Variants in ROBO2 observed in about 807,000 individuals in gnomAD.
ROBO2 encodes the protein roundabout homolog 2.
In ROBO2, 53 loss-of-function variants were observed where a neutral mutation model predicts 160.8. That is an observed-to-expected ratio of 0.33 (90% CI 0.26 to 0.41). The LOEUF (loss-of-function observed/expected upper bound fraction) is 0.41. ROBO2 is among the 10% of genes least tolerant of loss of function. The probability of loss-of-function intolerance (pLI) is 1.00; values close to 1 mark genes in which losing one functional copy is unlikely to be tolerated. For synonymous variants in ROBO2, 664 were observed against 611.7 expected (o/e 1.09, Z -1.26); for missense variants, 1,577 against 1,722.4 (o/e 0.92, Z 1.49).
At chr3:76,661,295 A>G (rs1035946790) in intron 2 of ROBO2, among the ~76,000 whole-genome samples, 11 of 152,300 alleles carry the variant, frequency 7.2e-5, no homozygotes, top group African/African-American at 2.6e-4. Flanking sequence ...AAAGTAGGAA[A>G]ATACAAGAAT....
At chr3:76,254,668 A>C (rs1230761776) in intron 2 of ROBO2, among the ~76,000 whole-genome samples, 2 of 151,966 alleles carry the variant, frequency 1.3e-5, no homozygotes. Context: ...ATTTAGTGAT[A>C]CCTTTACTGT....
intron 5 of ROBO2, among the ~76,000 whole-genome samples, chr3:77,510,308 T>C (rs966507120): frequency 2.6e-5 from 4 of 152,100 alleles, no homozygotes; most frequent in African/African-American, 4.8e-5. Context: ...AAGCAACTTA[T>C]GGACCACGAC....
intron 2 of ROBO2, among the ~76,000 whole-genome samples, chr3:76,484,774 C>T (rs896087342): frequency 6.6e-6 from 1 of 152,044 alleles, no homozygotes. Flanking sequence ...CCTATATCTA[C>T]AGGCCAGCAA....
rs559225108 is a variant in ROBO2, at chr3:76,433,138, C to T, written c.109+495536C>T. Among the ~76,000 whole-genome samples, 3 of 152,272 alleles carry T rather than the reference C, an allele frequency of 2.0e-5. No homozygotes were observed. The South Asian group carries it at 6.2e-4, about 32-fold the overall frequency. On this transcript the variant is annotated intron_variant, in intron 2 of 26. Transcript: ENST00000487694. ...TATATCTGCAGTTAATTGGTCAGAA[C>T]ATTTTCTTATTAGTGGGACTACATT... is the stretch of plus-strand genomic sequence containing the variant.
At chr3:77,625,110 G>A (rs1006963075) in intron 23 of ROBO2, among the ~76,000 whole-genome samples, 1 of 152,074 alleles carries the variant, frequency 6.6e-6, no homozygotes, top group Non-Finnish European at 1.5e-5. Context: ...ACTAATTTGT[G>A]AGGGATCTCT....
rs553418516 is a variant in ROBO2 at position 76,077,885 on chromosome 3, C to G, written c.109+140283C>G. Among the ~76,000 whole-genome samples the G allele has an allele frequency of 2.0e-4, 30 of 152,252 alleles. No homozygotes were observed. The South Asian group carries it at 4.1e-3, about 21-fold the overall frequency. Reference sequence around the variant, plus strand: ...GACTGTTCAAATTCTAAGACAAACACTAGTTGCCAACTTCCATTGATAACC... The same window carrying G: ...GACTGTTCAAATTCTAAGACAAACAGTAGTTGCCAACTTCCATTGATAACC... On this transcript the variant is annotated intron_variant, in intron 2 of 26. Transcript: ENST00000487694.
intron 2 of ROBO2, among the ~76,000 whole-genome samples, chr3:77,391,848 C>T (rs781740001): frequency 6.6e-6 from 1 of 152,110 alleles, no homozygotes; most frequent in Non-Finnish European, 1.5e-5. Context: ...GCATGAGCCA[C>T]CATTCCTGGC....
intron 2 of ROBO2, among the ~76,000 whole-genome samples, chr3:76,601,066 G>T (rs1008606403): frequency 6.6e-6 from 1 of 152,178 alleles, no homozygotes; most frequent in South Asian, 2.1e-4. Flanking sequence ...AAACCTTAAA[G>T]CTCCATAATG....
intron 23 of ROBO2, among the ~76,000 whole-genome samples, chr3:77,625,335 G>A (rs1468655289): frequency 6.6e-6 from 1 of 151,170 alleles, no homozygotes; most frequent in Non-Finnish European, 1.5e-5. Context: ...ATAATAATAG[G>A]TAACACATAT....
chr3:76,824,794 C>T (rs951706706), intron 2 of ROBO2, among the ~76,000 whole-genome samples: 1 of 152,112 alleles, frequency 6.6e-6, no homozygotes, highest in African/African-American at 2.4e-5. Flanking sequence ...GAAACCAACC[C>T]GGAAAAATTC....
intron 2 of ROBO2, among the ~76,000 whole-genome samples, chr3:77,356,391 A>G (rs979148273): frequency 1.3e-5 from 2 of 152,134 alleles, no homozygotes; most frequent in African/African-American, 4.8e-5. Flanking sequence ...AGAGACAGAG[A>G]GAGAGTAAGA....
rs4053893 is a variant in ROBO2 at position 76,798,396 on chromosome 3, T to TCAA, written c.110-299612_110-299610dup. On this transcript the variant is annotated intron_variant, in intron 2 of 26. Coordinates refer to the ROBO2 transcript ENST00000487694. ...TCAACAAAATACTAGCAAACTGAATTCAACAACACCCTAAAAAGATCATTC... is the reference window on the plus strand; with the variant it reads ...TCAACAAAATACTAGCAAACTGAATTCAACAACAACACCCTAAAAAGATCATTC... 3.4e-3 allele frequency among the ~76,000 whole-genome samples: 515 copies of TCAA among 152,166 alleles called. 3 individuals carry two copies. Among genetic ancestry groups the TCAA allele is most frequent in the African/African-American group, 0.012 (482 of 41,512 alleles).
At chr3:77,092,743 A>G (rs1169712196) in intron 1 of ROBO2, among the ~76,000 whole-genome samples, 1 of 149,774 alleles carries the variant, frequency 6.7e-6, no homozygotes, top group Non-Finnish European at 1.5e-5. Context: ...CACAAGCGAA[A>G]TTAGAATTGT....
chr3:77,120,318 T>C (rs1294913153), intron 2 of ROBO2, among the ~76,000 whole-genome samples: 2 of 152,176 alleles, frequency 1.3e-5, no homozygotes, highest in African/African-American at 4.8e-5. Context: ...TTTGATGACC[T>C]AAAAAGATTT....
Position 76,341,916 on chromosome 3 carries a change from A to G in ROBO2, c.109+404314A>G, listed in dbSNP as rs879611760. Among the ~76,000 whole-genome samples, 10 of 152,262 alleles carry G rather than the reference A, an allele frequency of 6.6e-5. 1 individual carries two copies. Among genetic ancestry groups the G allele is most frequent in the South Asian group, 4.1e-4 (2 of 4,826 alleles). ...CTAGCATATGTTTCCTCTTTTTCCA[A>G]TTATCCAGGTGAATAACAATTTCCT... is the stretch of plus-strand genomic sequence containing the variant. On this transcript the variant is annotated intron_variant, in intron 2 of 26. Transcript: ENST00000487694.
At chr3:77,393,179 A>G (rs867401550) in intron 2 of ROBO2, among the ~76,000 whole-genome samples, 1 of 152,188 alleles carries the variant, frequency 6.6e-6, no homozygotes, top group Non-Finnish European at 1.5e-5. Context: ...TATAATATCA[A>G]TTAACATATT....
intron 2 of ROBO2, among the ~76,000 whole-genome samples, chr3:77,329,392 T>G (rs981761502): frequency 9.8e-5 from 15 of 152,312 alleles, no homozygotes; most frequent in African/African-American, 3.6e-4. Flanking sequence ...CTTGTCTCCA[T>G]GACAAAACAT....
chr3:76,159,468 T>G (rs2072535761), intron 2 of ROBO2, among the ~76,000 whole-genome samples: 1 of 152,118 alleles, frequency 6.6e-6, no homozygotes. Flanking sequence ...CATTTTAAAT[T>G]TTTTTTGGAC....
At chr3:77,238,806 T>C (rs1021175337) in intron 2 of ROBO2, among the ~76,000 whole-genome samples, 34 of 152,188 alleles carry the variant, frequency 2.2e-4, no homozygotes, top group African/African-American at 8.2e-4. Flanking sequence ...ATATTCAGTA[T>C]CCGCTATGTA....
Sources: gnomAD v4.1 joint callset for allele counts (sites outside exome capture counted in the v4.1 genomes callset) on GRCh38, gnomAD v4.1.1 for gene constraint, MANE v1.5 for transcripts, NCBI Gene and HGNC (gene_info 2026-07-23, HGNC 2026-07-21) for gene names.